ANO4: variants seen among roughly 807,000 people sequenced by gnomAD.
The protein encoded by ANO4 is anoctamin 4, also known as anoctamin-4.
A neutral mutation model predicts 141.9 loss-of-function variants in ANO4; 69 were observed. The ratio of observed to expected loss-of-function variants is 0.49; its 90% confidence interval spans 0.40 to 0.59. ANO4 has a LOEUF of 0.59. Ranked by LOEUF, ANO4 falls within the 20% of genes least tolerant of loss-of-function variation. The pLI is 0.00. For missense variants in ANO4, 894 were observed against 1,162.2 expected, an observed-to-expected ratio of 0.77 and a Z score of 3.36; for synonymous variants, 350 against 394.3, an observed-to-expected ratio of 0.89 and a Z score of 1.33.
intron 1 of ANO4, among the ~76,000 whole-genome samples, chr12:100,727,259 A>T (rs2031175001): frequency 6.6e-6 from 1 of 152,218 alleles, no homozygotes; most frequent in Non-Finnish European, 1.5e-5. Context: ...GTTATTAAGT[A>T]TGTTAAAATC....
At chr12:101,068,306 A>C in intron 14 of ANO4, 1 of 1,337,522 alleles carries the variant, frequency 7.5e-7, no homozygotes, top group South Asian at 1.2e-5. Flanking sequence ...TGCTCCTACG[A>C]AGGCTGACTT....
intron 14 of ANO4, chr12:101,068,859 G>T: frequency 1.1e-6 from 1 of 912,914 alleles, no homozygotes; most frequent in Non-Finnish European, 1.8e-6. Flanking sequence ...GGAAAGTAGA[G>T]GGTTGAATCT....
At chr12:101,033,482 A>AATAATAAT (rs1566153246) in intron 9 of ANO4, among the ~76,000 whole-genome samples, 2 of 152,002 alleles carry the variant, frequency 1.3e-5, no homozygotes, top group African/African-American at 4.8e-5. Flanking sequence ...ATAATAATAA[A>AATAATAAT]AATTAACTCA....
intron 1 of ANO4, among the ~76,000 whole-genome samples, chr12:100,823,370 G>A (rs1303225478): frequency 2.0e-5 from 3 of 151,922 alleles, no homozygotes; most frequent in African/African-American, 7.2e-5. Flanking sequence ...GAAAAGGATT[G>A]GTAAAATATC....
In ANO4 at chr12:100,879,702, C is replaced by T. The variant is rs533014019; in HGVS notation, c.-140-21944C>T. Among the ~76,000 whole-genome samples the T allele has an allele frequency of 3.3e-5, 5 of 152,272 alleles. No homozygotes were observed. The East Asian group carries it at 9.7e-4, about 29-fold the overall frequency. ...TGATAGGGACATGGTAGGCATCCAA[C>T]AACTGTTAATTGGCTCCTCCAATCA... On this transcript the variant is annotated intron_variant, in intron 1 of 27. Transcript: ENST00000392977.
At chr12:100,782,539 T>C (rs2033744418) in intron 3 of ANO4, among the ~76,000 whole-genome samples, 2 of 152,204 alleles carry the variant, frequency 1.3e-5, no homozygotes, top group Admixed American at 1.3e-4. Flanking sequence ...CTTCTTTTTT[T>C]CATGGAGGCA....
In ANO4 at chr12:100,967,303, G is replaced by A. The variant is rs1411316159; in HGVS notation, c.457-4003G>A. On this transcript the variant is annotated intron_variant, in intron 5 of 27. Coordinates refer to ENST00000392977, the MANE Select transcript of ANO4 (RefSeq NM_001286615.2). ...TTCATTTCTTTTCACTTTGGCTCTT[G>A]TGCACTTGGATTTATGTGGCAAGGA... Among the ~76,000 whole-genome samples, 5 of 152,034 alleles carry A rather than the reference G, an allele frequency of 3.3e-5. No individual in the cohort carries two copies. In the East Asian group the frequency reaches 9.7e-4, roughly 29 times the overall value.
chr12:100,922,358 C>A, intron 3 of ANO4, 28 bp downstream of exon 3: 1 of 1,467,648 alleles, frequency 6.8e-7, no homozygotes, highest in Non-Finnish European at 9.1e-7. Context: ...TTTAAATTCG[C>A]CGTGAGAGAA....
intron 1 of ANO4, among the ~76,000 whole-genome samples, chr12:100,894,180 G>A (rs2040229544): frequency 6.6e-6 from 1 of 152,086 alleles, no homozygotes; most frequent in Non-Finnish European, 1.5e-5. Context: ...GTTTTGATGT[G>A]TTGCTACTGC....
chr12:101,026,742 A>G (rs961504702), intron 9 of ANO4, among the ~76,000 whole-genome samples: 1 of 152,220 alleles, frequency 6.6e-6, no homozygotes, highest in Non-Finnish European at 1.5e-5. Flanking sequence ...GTTAACTCAA[A>G]TGGATTATAG....
At chr12:101,090,511 CA>C (rs2049721107) in intron 17 of ANO4, among the ~76,000 whole-genome samples, 1 of 152,130 alleles carries the variant, frequency 6.6e-6, no homozygotes, top group Non-Finnish European at 1.5e-5. Context: ...GAAAACCAAA[CA>C]CCGCATGTTC....
chr12:100,843,762 A>G (rs999062700), intron 1 of ANO4, among the ~76,000 whole-genome samples: 4 of 152,176 alleles, frequency 2.6e-5, no homozygotes, highest in African/African-American at 9.6e-5. Context: ...TAATTATCCC[A>G]TGCTGATAGA....
chr12:100,950,879 T>C (rs1348358124), intron 5 of ANO4, among the ~76,000 whole-genome samples: 4 of 152,204 alleles, frequency 2.6e-5, no homozygotes, highest in Admixed American at 6.5e-5. Context: ...GACAGCACTT[T>C]TTGAGATGCC....
At chr12:100,782,498 C>T (rs2033743237) in intron 3 of ANO4, among the ~76,000 whole-genome samples, 1 of 152,136 alleles carries the variant, frequency 6.6e-6, no homozygotes, top group African/African-American at 2.4e-5. Context: ...CTCTTCTTTC[C>T]CCTCTGCCAG....
At chr12:101,056,883 C>G (rs1015958967) in intron 14 of ANO4, among the ~76,000 whole-genome samples, 6 of 147,868 alleles carry the variant, frequency 4.1e-5, no homozygotes, top group Admixed American at 2.0e-4. Flanking sequence ...ACTTCAAGTT[C>G]TGGGATACAT....
At chr12:100,921,852 A>T (rs1224061711) in intron 2 of ANO4, among the ~76,000 whole-genome samples, 1 of 152,148 alleles carries the variant, frequency 6.6e-6, no homozygotes, top group Non-Finnish European at 1.5e-5. Context: ...TGATATCATA[A>T]AGTGTTTGTG....
At chr12:101,052,227 C>G (rs2047902736) in intron 14 of ANO4, among the ~76,000 whole-genome samples, 1 of 152,200 alleles carries the variant, frequency 6.6e-6, no homozygotes, top group South Asian at 2.1e-4. Flanking sequence ...GTTCAGGTCA[C>G]GTCTGTGTGA....
chr12:100,905,137 A>G (rs2040779741), intron 2 of ANO4, among the ~76,000 whole-genome samples: 1 of 152,216 alleles, frequency 6.6e-6, no homozygotes, highest in South Asian at 2.1e-4. Context: ...GATAATATTG[A>G]GAGCTGGCAA....
chr12:100,921,637 A>G (rs2041635622), intron 2 of ANO4, among the ~76,000 whole-genome samples: 2 of 152,122 alleles, frequency 1.3e-5, no homozygotes, highest in African/African-American at 2.4e-5. Context: ...TTCTTTCTTT[A>G]GAACATGCCA....
Sources: allele counts gnomAD v4.1 joint callset (sites outside exome capture counted in the v4.1 genomes callset), GRCh38; gene constraint gnomAD v4.1.1; transcripts MANE v1.5; gene names NCBI Gene and HGNC (gene_info 2026-07-23, HGNC 2026-07-21).